Variants in TMEM233 observed in about 807,000 individuals in gnomAD.
TMEM233 encodes the protein dispanin subfamily B member 2.
In TMEM233, 6 loss-of-function variants were observed where a neutral mutation model predicts 11.2. The observed-to-expected ratio is 0.54, with a 90% confidence interval of 0.29 to 1.06. The LOEUF (loss-of-function observed/expected upper bound fraction) is 1.06. Among genes scored for constraint, TMEM233 ranks in the 50% least tolerant of loss-of-function variants. The pLI is 0.08. For synonymous variants in TMEM233, 59 were observed against 55.8 expected, an observed-to-expected ratio of 1.06 and a Z score of -0.26; for missense variants, 127 against 144.7, an observed-to-expected ratio of 0.88 and a Z score of 0.63.
chr12:119,646,884 A>G (rs938259392), downstream of TMEM233, among the ~76,000 whole-genome samples: 1 of 152,312 alleles, frequency 6.6e-6, no homozygotes, highest in African/African-American at 2.4e-5. Context: ...AGGTGTTTGT[A>G]TGGGGATATC....
At position 119,594,883 on chromosome 12, in the gene TMEM233, A is replaced by G. The variant is rs1954004148; in HGVS notation, c.186+849A>G. On this transcript the variant is annotated intron_variant, in intron 1 of 2. Transcript: ENST00000426426. This position sits in a 1 kb window ranked among gnomAD's most constrained non-coding sequence, Gnocchi z 5.6. ...CCCCGTTTGCTGCGCACTGGCCCTA[A>G]CCTCTCTTCTCTTGGTGTCCCCCAG... Among the ~76,000 whole-genome samples the G allele has an allele frequency of 6.7e-6, 1 of 149,334 alleles. No individual in the cohort carries two copies. Among genetic ancestry groups the G allele is most frequent in the African/African-American group, 2.5e-5 (1 of 40,500 alleles).
At chr12:119,596,739 C>A (rs750203390) in intron 1 of TMEM233, among the ~76,000 whole-genome samples, 1 of 152,082 alleles carries the variant, frequency 6.6e-6, no homozygotes, top group Non-Finnish European at 1.5e-5. Context: ...GTGATCTGCC[C>A]GCCTCAGCCT....
At chr12:119,636,260 T>C (rs988095561) in intron 2 of TMEM233, among the ~76,000 whole-genome samples, 5 of 152,068 alleles carry the variant, frequency 3.3e-5, no homozygotes, top group Non-Finnish European at 5.9e-5. Flanking sequence ...GAGCTCTGTG[T>C]CAGAAACTGG....
At chr12:119,645,589 A>T (rs1484989816), downstream of TMEM233, among the ~76,000 whole-genome samples, 3 of 152,202 alleles carry the variant, frequency 2.0e-5, no homozygotes, top group Admixed American at 2.0e-4. Context: ...TCATTCCAGT[A>T]GACATCTATT....
intron 2 of TMEM233, among the ~76,000 whole-genome samples, chr12:119,636,020 A>T (rs1954964541): frequency 6.6e-6 from 1 of 152,178 alleles, no homozygotes; most frequent in South Asian, 2.1e-4. Context: ...TTCATTACAT[A>T]GGCATGACCA....
At chr12:119,627,924 T>G (rs1013267650) in intron 1 of TMEM233, among the ~76,000 whole-genome samples, 1 of 152,184 alleles carries the variant, frequency 6.6e-6, no homozygotes, top group Non-Finnish European at 1.5e-5. Flanking sequence ...TCACCCCTTT[T>G]CAGGGCCACG....
In TMEM233 at chr12:119,597,182, C is replaced by T. The variant is rs141304592; in HGVS notation, c.186+3148C>T. 2.8e-3 allele frequency among the ~76,000 whole-genome samples: 421 copies of T among 152,312 alleles called. 1 individual carries two copies. The highest frequency in any genetic ancestry group is 9.7e-3 in the African/African-American group (405 of 41,564). ...ACCAATTCTGCCAGGCGTTTGCTTC[C>T]CCTAGGGTCTCTTGTGATGTTCAGT... On this transcript the variant is annotated intron_variant, in intron 1 of 2. Transcript: ENST00000426426.
intron 1 of TMEM233, among the ~76,000 whole-genome samples, chr12:119,607,387 C>T (rs1954301119): frequency 6.6e-6 from 1 of 152,154 alleles, no homozygotes; most frequent in African/African-American, 2.4e-5. Context: ...ATATCACCTA[C>T]CTCCAAGGGA....
chr12:119,636,035 C>T (rs949135047), intron 2 of TMEM233, among the ~76,000 whole-genome samples: 3 of 152,164 alleles, frequency 2.0e-5, no homozygotes, highest in Non-Finnish European at 2.9e-5. Context: ...TGACCAATTA[C>T]ATCACTGGCC....
At chr12:119,598,196 A>G (rs1035968516) in intron 1 of TMEM233, among the ~76,000 whole-genome samples, 1 of 152,198 alleles carries the variant, frequency 6.6e-6, no homozygotes, top group African/African-American at 2.4e-5. Context: ...TAAGATCAGC[A>G]AGGTCTCTGC....
Position 119,642,355 on chromosome 12 carries a change from G to A in TMEM233, c.*1650G>A, listed in dbSNP as rs928806515. 1.3e-5 allele frequency: 2 copies of A among 152,180 alleles called. No homozygotes were observed. Among genetic ancestry groups the A allele is most frequent in the East Asian group, 1.9e-4 (1 of 5,180 alleles). The allele number at this position is 152,180 out of a possible 1,614,324, so 9.4% of individuals were successfully genotyped here. A position where few individuals can be genotyped will look rare whatever the true frequency, so the allele number is the denominator to read the frequency against. On this transcript the variant is annotated 3_prime_UTR_variant, in exon 3 of 3. Coordinates refer to ENST00000426426, the MANE Select transcript of TMEM233 (RefSeq NM_001136534.3). ...CCAGCTAATAGAGAGGCTGAGGCAG[G>A]AGAATCACTTGAATCCAGAAGGCGG...
Position 119,594,168 on chromosome 12 carries a change from C to A in TMEM233, c.186+134C>A, listed in dbSNP as rs1953980128. On this transcript the variant is annotated intron_variant, in intron 1 of 2. Coordinates refer to ENST00000426426, the MANE Select transcript of TMEM233 (RefSeq NM_001136534.3). This position sits in a 1 kb window ranked among gnomAD's most constrained non-coding sequence, Gnocchi z 5.6. ...CCGCGCTAGGTGTTCTTTGTCCTCGCACCTCCTCCTCACCTTTCTCGGGCT... is the reference window on the plus strand; with the variant it reads ...CCGCGCTAGGTGTTCTTTGTCCTCGAACCTCCTCCTCACCTTTCTCGGGCT... 3.6e-6 allele frequency: 3 copies of A among 838,850 alleles called. No homozygotes were observed. In the Admixed American group the frequency reaches 8.0e-5, roughly 22 times the overall value. 52.0% of individuals were successfully genotyped at this position (838,850 alleles called of 1,614,324 possible). A position where few individuals can be genotyped will look rare whatever the true frequency, so the allele number is the denominator to read the frequency against.
intron 2 of TMEM233, among the ~76,000 whole-genome samples, chr12:119,633,790 T>G (rs1240854439): frequency 6.6e-6 from 1 of 152,184 alleles, no homozygotes. Flanking sequence ...CCAGCCCTCA[T>G]TTACAGGAGT....
In TMEM233 at chr12:119,595,139, C is replaced by G. The variant is rs1263754100; in HGVS notation, c.186+1105C>G. On this transcript the variant is annotated intron_variant, in intron 1 of 2. Coordinates refer to ENST00000426426, the MANE Select transcript of TMEM233 (RefSeq NM_001136534.3). This position sits in a 1 kb window ranked among gnomAD's most constrained non-coding sequence, Gnocchi z 4.3. ...ACCCGAGCGAACCCCACCAGGAGGG[C>G]GACGAGCGCCTGCTAGGCCCTCGCC... Among the ~76,000 whole-genome samples the G allele has an allele frequency of 2.0e-5, 3 of 152,222 alleles. No homozygotes were observed. The highest frequency in any genetic ancestry group is 2.9e-5 in the Non-Finnish European group (2 of 68,032).
chr12:119,622,284 A>G (rs572047731), intron 1 of TMEM233, among the ~76,000 whole-genome samples: 2 of 152,340 alleles, frequency 1.3e-5, no homozygotes, highest in East Asian at 3.9e-4. Context: ...GTTATCTCTG[A>G]GAAGTAAGAT....
At chr12:119,653,165 G>A in the TMEM233 span, among the ~76,000 whole-genome samples, 1 of 151,972 alleles carries the variant, frequency 6.6e-6, no homozygotes, top group Non-Finnish European at 1.5e-5. Context: ...AGGCCGAGGT[G>A]GATGGATCAC....
At chr12:119,618,037 T>C (rs1954570795) in intron 1 of TMEM233, among the ~76,000 whole-genome samples, 1 of 152,194 alleles carries the variant, frequency 6.6e-6, no homozygotes, top group African/African-American at 2.4e-5. Context: ...CCCCCTGCTG[T>C]GTGCAGCCTC....
intron 1 of TMEM233, among the ~76,000 whole-genome samples, chr12:119,616,292 C>T (rs7311445): frequency 0.38 from 58,257 of 152,028 alleles, 12,532 homozygotes; most frequent in African/African-American, 0.57. Flanking sequence ...TGTTCTATAT[C>T]CTAAGAGTGA....
Position 119,629,783 on chromosome 12 carries a change from T to A in TMEM233, c.234T>A (p.Leu78=), listed in dbSNP as rs1222367757. 6.4e-7 allele frequency: 1 copy of A among 1,551,700 alleles called. No homozygotes were observed. The highest frequency in any genetic ancestry group is 8.7e-7 in the Non-Finnish European group (1 of 1,146,982). The change falls in exon 2 of 3, where the codon CTT becomes CTA. Residue 78 remains leucine (L), a synonymous_variant. Coordinates refer to ENST00000426426, the MANE Select transcript of TMEM233 (RefSeq NM_001136534.3). ...GAGACTACGAAGGAGCCAGGCGGCT[T>A]GGGCGGAATGCTAAGTGGGTAGCCA... is the stretch of plus-strand genomic sequence containing the variant. ...NDGDYEGARR[L]GRNAKWVAIA...
Sources: gnomAD v4.1 joint callset for allele counts (sites outside exome capture counted in the v4.1 genomes callset) on GRCh38, gnomAD v4.1.1 for gene constraint, Gnocchi (gnomAD v3.1) non-coding constraint, MANE v1.5 for transcripts, NCBI Gene and HGNC (gene_info 2026-07-23, HGNC 2026-07-21) for gene names.